The following PABPC1L2B variants were observed in gnomAD, a reference collection of about 807,000 sequenced individuals.
PABPC1L2B encodes the protein poly(A) binding protein cytoplasmic 1 like 2B.
For missense variants in PABPC1L2B, 5 were observed against 16.4 expected (o/e 0.30, Z 1.20); for synonymous variants, 7 against 7.1 (o/e 0.99, Z 0.02).
Position 73,003,521 on chromosome X carries a change from A to G in PABPC1L2B, c.-122A>G, listed in dbSNP as rs1424379672. On this transcript the variant is annotated 5_prime_UTR_variant, in exon 1 of 1. An upstream start codon of the reference 5' UTR is lost. Transcript: ENST00000373521. ...GAGGCGGAGGCGGATGCGGATGCGG[A>G]TGCGGATGCGAATGCGAAGGTGGCG... The G allele has an allele frequency of 7.8e-5, 61 of 783,831 alleles. No individual in the cohort carries two copies. The highest frequency in any genetic ancestry group is 9.1e-5 in the Non-Finnish European group (57 of 628,497). The allele number at this position is 783,831 out of a possible 1,213,427, so 64.6% of individuals were successfully genotyped here. A position where few individuals can be genotyped will look rare whatever the true frequency, so the allele number is the denominator to read the frequency against.
At position 73,005,374 on chromosome X, in the gene PABPC1L2B, A is replaced by C. The variant is rs1294625602; in HGVS notation, c.*1129A>C. The C allele has an allele frequency of 1.4e-4, 17 of 122,468 alleles. No homozygotes were observed. Among genetic ancestry groups the C allele is most frequent in the African/African-American group, 5.3e-4 (16 of 30,469 alleles). 10.1% of individuals were successfully genotyped at this position (122,468 alleles called of 1,213,427 possible). A position where few individuals can be genotyped will look rare whatever the true frequency, so the allele number is the denominator to read the frequency against. ...TCCCTGTCCTCAGTGGTTTTGCTGC[A>C]ATCAAACACTGTTTATTACCCCCTT... is the stretch of plus-strand genomic sequence containing the variant. On this transcript the variant is annotated 3_prime_UTR_variant, in exon 1 of 1. Coordinates refer to ENST00000373521, the MANE Select transcript of PABPC1L2B (RefSeq NM_001042506.2).
Position 73,003,541 on chromosome X carries a change from G to T in PABPC1L2B, c.-102G>T. On this transcript the variant is annotated 5_prime_UTR_variant, in exon 1 of 1. Coordinates refer to ENST00000373521, the MANE Select transcript of PABPC1L2B (RefSeq NM_001042506.2). The stretch of plus-strand genomic sequence containing the variant: ...TGCGGATGCGGATGCGAATGCGAAG[G>T]TGGCGGCCGAGGTGGCGGCCGAGGT... 1 of 734,883 alleles carries T rather than the reference G, an allele frequency of 1.4e-6. No individual in the cohort carries two copies. 60.6% of individuals were successfully genotyped at this position (734,883 alleles called of 1,213,427 possible).
Position 73,003,601 on chromosome X carries a change from G to A in PABPC1L2B, c.-42G>A. 3.2e-6 allele frequency: 1 copy of A among 309,353 alleles called. No individual in the cohort carries two copies. Among genetic ancestry groups the A allele is most frequent in the Non-Finnish European group, 4.7e-6 (1 of 212,696 alleles). The allele number at this position is 309,353 out of a possible 1,213,427, so 25.5% of individuals were successfully genotyped here. A position where few individuals can be genotyped will look rare whatever the true frequency, so the allele number is the denominator to read the frequency against. Reference sequence around the variant, plus strand: ...GGCGGCCGCCGCGGATGCAGATGCGGATGAGACCCTCGGTGACTGTGAGGG... The same window carrying A: ...GGCGGCCGCCGCGGATGCAGATGCGAATGAGACCCTCGGTGACTGTGAGGG... On this transcript the variant is annotated 5_prime_UTR_variant, in exon 1 of 1. Coordinates refer to ENST00000373521, the MANE Select transcript of PABPC1L2B (RefSeq NM_001042506.2).
At position 73,003,233 on chromosome X, in the gene PABPC1L2B, C is replaced by T. The variant is rs1284567549; in HGVS notation, c.-410C>T. On this transcript the variant is annotated 5_prime_UTR_variant, in exon 1 of 1. Transcript: ENST00000373521. ...ACCGTGGCGACAGCAGCGACAGTGG[C>T]GGCGGCGGTGGCGGCAGCGGCTGCG... Among the ~76,000 whole-genome samples the T allele has an allele frequency of 4.5e-4, 3 of 6,711 alleles. No homozygotes were observed. The highest frequency in any genetic ancestry group is 6.1e-4 in the Non-Finnish European group (3 of 4,954). 5.8% of individuals were successfully genotyped at this position (6,711 alleles called of 115,157 possible).
At position 73,005,923 on chromosome X, in the gene PABPC1L2B, GT is replaced by G. The variant is rs1192915230; in HGVS notation, c.*1680del. ...ATTCATGTTTATTTCCTGAACAAAA[GT>G]TAATAGTATAATTGAAGGATGAAAA... is the stretch of plus-strand genomic sequence containing the variant. On this transcript the variant is annotated 3_prime_UTR_variant, in exon 1 of 1. Coordinates refer to ENST00000373521, the MANE Select transcript of PABPC1L2B (RefSeq NM_001042506.2). Among the ~76,000 whole-genome samples, 1 of 111,778 alleles carries G rather than the reference GT, an allele frequency of 8.9e-6. No homozygotes were observed. The highest frequency in any genetic ancestry group is 9.6e-5 in the Admixed American group (1 of 10,458).
In PABPC1L2B at chrX:73,006,105, G is replaced by C. The variant is rs782197976; in HGVS notation, c.*1860G>C. 6.3e-5 allele frequency among the ~76,000 whole-genome samples: 7 copies of C among 111,614 alleles called. No individual in the cohort carries two copies. In the South Asian group the frequency reaches 2.6e-3, roughly 42 times the overall value. On this transcript the variant is annotated 3_prime_UTR_variant, in exon 1 of 1. Coordinates refer to ENST00000373521, the MANE Select transcript of PABPC1L2B (RefSeq NM_001042506.2). ...CTTGGTATTAAATTATTTATAATTT[G>C]AGATTTTTTGTTTCTATTTGTTGTA...
rs2055186199 is a variant in PABPC1L2B at position 73,005,904 on chromosome X, G to T, written c.*1659G>T. On this transcript the variant is annotated 3_prime_UTR_variant, in exon 1 of 1. Transcript: ENST00000373521. Reference sequence around the variant, plus strand: ...CACAGTGCACAAACATTACATTCATGTTTATTTCCTGAACAAAAGTTAATA... The same window carrying T: ...CACAGTGCACAAACATTACATTCATTTTTATTTCCTGAACAAAAGTTAATA... Among the ~76,000 whole-genome samples the T allele has an allele frequency of 8.9e-6, 1 of 111,863 alleles. No individual in the cohort carries two copies. Among genetic ancestry groups the T allele is most frequent in the African/African-American group, 3.2e-5 (1 of 30,809 alleles).
At position 73,005,950 on chromosome X, in the gene PABPC1L2B, G is replaced by C. The variant is rs910097444; in HGVS notation, c.*1705G>C. Among the ~76,000 whole-genome samples the C allele has an allele frequency of 4.5e-5, 5 of 111,684 alleles. No individual in the cohort carries two copies. The highest frequency in any genetic ancestry group is 7.5e-5 in the Non-Finnish European group (4 of 53,138). ...TAATAGTATAATTGAAGGATGAAAA[G>C]ATATGGGAGGTTTAAAATCTTCTTT... On this transcript the variant is annotated 3_prime_UTR_variant, in exon 1 of 1. Transcript: ENST00000373521.
rs139776847 is a variant in PABPC1L2B at position 73,005,391 on chromosome X, T to A, written c.*1146T>A. The A allele has an allele frequency of 8.2e-6, 1 of 122,656 alleles. No homozygotes were observed. Among genetic ancestry groups the A allele is most frequent in the African/African-American group, 3.3e-5 (1 of 30,557 alleles). 10.1% of individuals were successfully genotyped at this position (122,656 alleles called of 1,213,427 possible). ...TTTGCTGCAATCAAACACTGTTTAT[T>A]ACCCCCTTCCCCTGTGCCCACTTCC... On this transcript the variant is annotated 3_prime_UTR_variant, in exon 1 of 1. Coordinates refer to ENST00000373521, the MANE Select transcript of PABPC1L2B (RefSeq NM_001042506.2).
rs1301634862 is a variant in PABPC1L2B, at chrX:73,003,389, C to T, written c.-254C>T. 1 of 19,085 alleles carries T rather than the reference C, an allele frequency of 5.2e-5. No homozygotes were observed. The highest frequency in any genetic ancestry group is 6.8e-5 in the Non-Finnish European group (1 of 14,783). 1.6% of individuals were successfully genotyped at this position (19,085 alleles called of 1,213,427 possible). A position where few individuals can be genotyped will look rare whatever the true frequency, so the allele number is the denominator to read the frequency against. Reference sequence around the variant, plus strand: ...ATAGAGGAGGCAGCATCGGAGGCCACCCCGGGGGAGGCGGAGGCCGCCCGG... The same window carrying T: ...ATAGAGGAGGCAGCATCGGAGGCCATCCCGGGGGAGGCGGAGGCCGCCCGG... On this transcript the variant is annotated 5_prime_UTR_variant, in exon 1 of 1. Transcript: ENST00000373521.
chrX:73,003,715 GCTGGGCCC>G lies in PABPC1L2B; in HGVS notation c.74_81del (p.Ala25AspfsTer39). 1 of 246,697 alleles carries G rather than the reference GCTGGGCCC, an allele frequency of 4.1e-6. No homozygotes were observed. Among genetic ancestry groups the G allele is most frequent in the Non-Finnish European group, 5.9e-6 (1 of 170,066 alleles). The allele number at this position is 246,697 out of a possible 1,213,427, so 20.3% of individuals were successfully genotyped here. On this transcript the variant is annotated frameshift_variant, in exon 1 of 1. Coordinates refer to ENST00000373521, the MANE Select transcript of PABPC1L2B (RefSeq NM_001042506.2). LOFTEE classifies it high-confidence loss of function. ...AATGCTGTACGAGAAGTTCAGTCCA[GCTGGGCCC>G]ATCCTCTCCATCCGCATCTGCAGGG...
Position 73,005,449 on chromosome X carries a change from A to G in PABPC1L2B, c.*1204A>G, listed in dbSNP as rs1271412703. Reference sequence around the variant, plus strand: ...TTCCCTGTTGTCAGAAAAATAATTCAGCGTCATTGCAGGAAAAAAATAATC... The same window carrying G: ...TTCCCTGTTGTCAGAAAAATAATTCGGCGTCATTGCAGGAAAAAAATAATC... On this transcript the variant is annotated 3_prime_UTR_variant, in exon 1 of 1. Coordinates refer to ENST00000373521, the MANE Select transcript of PABPC1L2B (RefSeq NM_001042506.2). 4.9e-5 allele frequency: 6 copies of G among 122,808 alleles called. No homozygotes were observed. The highest frequency in any genetic ancestry group is 9.8e-5 in the African/African-American group (3 of 30,589). 10.1% of individuals were successfully genotyped at this position (122,808 alleles called of 1,213,427 possible). A position where few individuals can be genotyped will look rare whatever the true frequency, so the allele number is the denominator to read the frequency against.
rs1184711937 is a variant in PABPC1L2B at position 73,004,552 on chromosome X, C to G, written c.*307C>G. The G allele has an allele frequency of 2.3e-6, 1 of 441,915 alleles. No homozygotes were observed. 36.4% of individuals were successfully genotyped at this position (441,915 alleles called of 1,213,427 possible). ...TCTCCCTGTGGTTTGGTTTAAAAAG[C>G]ATTTTCATTCTCTCTTTGTTTACTG... is the stretch of plus-strand genomic sequence containing the variant. On this transcript the variant is annotated 3_prime_UTR_variant, in exon 1 of 1. Coordinates refer to ENST00000373521, the MANE Select transcript of PABPC1L2B (RefSeq NM_001042506.2).
In PABPC1L2B at chrX:73,003,487, C is replaced by G; in HGVS notation, c.-156C>G. 1.5e-6 allele frequency: 1 copy of G among 662,789 alleles called. No homozygotes were observed. Among genetic ancestry groups the G allele is most frequent in the Non-Finnish European group, 1.9e-6 (1 of 521,634 alleles). The allele number at this position is 662,789 out of a possible 1,213,427, so 54.6% of individuals were successfully genotyped here. A position where few individuals can be genotyped will look rare whatever the true frequency, so the allele number is the denominator to read the frequency against. ...CGCCGCAGCGGAGGCTGCGGGGCCC[C>G]CCTTGGGGGAGGCGGAGGCGGATGC... On this transcript the variant is annotated 5_prime_UTR_variant, in exon 1 of 1. Transcript: ENST00000373521.
Position 73,004,987 on chromosome X carries a change from C to A in PABPC1L2B, c.*742C>A, listed in dbSNP as rs782143498. 1 of 62,452 alleles carries A rather than the reference C, an allele frequency of 1.6e-5. No homozygotes were observed. The highest frequency in any genetic ancestry group is 6.9e-5 in the African/African-American group (1 of 14,429). The allele number at this position is 62,452 out of a possible 1,213,427, so 5.1% of individuals were successfully genotyped here. A position where few individuals can be genotyped will look rare whatever the true frequency, so the allele number is the denominator to read the frequency against. Reference sequence around the variant, plus strand: ...GCATTGTTGGACATTCAGGTGGTGCCTAGTTCTTTCCCTGTGTTTAAGACC... The same window carrying A: ...GCATTGTTGGACATTCAGGTGGTGCATAGTTCTTTCCCTGTGTTTAAGACC... On this transcript the variant is annotated 3_prime_UTR_variant, in exon 1 of 1. Coordinates refer to ENST00000373521, the MANE Select transcript of PABPC1L2B (RefSeq NM_001042506.2).
rs1433467117 is a variant in PABPC1L2B, at chrX:73,003,561, C to T, written c.-82C>T. ...CGAAGGTGGCGGCCGAGGTGGCGGCCGAGGTGGCGGCTGCGGCGGCCGCCG... is the reference window on the plus strand; with the variant it reads ...CGAAGGTGGCGGCCGAGGTGGCGGCTGAGGTGGCGGCTGCGGCGGCCGCCG... On this transcript the variant is annotated 5_prime_UTR_variant, in exon 1 of 1. Transcript: ENST00000373521. 7.6e-4 allele frequency: 250 copies of T among 330,066 alleles called. 1 individual carries two copies. Among genetic ancestry groups the T allele is most frequent in the Non-Finnish European group, 1.0e-3 (227 of 221,405 alleles). 27.2% of individuals were successfully genotyped at this position (330,066 alleles called of 1,213,427 possible).
At position 73,006,033 on chromosome X, in the gene PABPC1L2B, T is replaced by C. The variant is rs782417101; in HGVS notation, c.*1788T>C. ...ATAGTACCAATTTACCCTCATAAAA[T>C]ATGCAGATATTGTGAGTGTACCTGG... is the stretch of plus-strand genomic sequence containing the variant. On this transcript the variant is annotated 3_prime_UTR_variant, in exon 1 of 1. Coordinates refer to ENST00000373521, the MANE Select transcript of PABPC1L2B (RefSeq NM_001042506.2). Among the ~76,000 whole-genome samples, 1 of 111,947 alleles carries C rather than the reference T, an allele frequency of 8.9e-6. No homozygotes were observed. Among genetic ancestry groups the C allele is most frequent in the East Asian group, 2.8e-4 (1 of 3,589 alleles).
rs1471502979 is a variant in PABPC1L2B at position 73,005,157 on chromosome X, G to A, written c.*912G>A. On this transcript the variant is annotated 3_prime_UTR_variant, in exon 1 of 1. Coordinates refer to ENST00000373521, the MANE Select transcript of PABPC1L2B (RefSeq NM_001042506.2). ...GACTTTTCCTGTGTGTTGCCAAAAG[G>A]CCCCCTTCATAAGCATTGTACCGAT... is the stretch of plus-strand genomic sequence containing the variant. The A allele has an allele frequency of 8.9e-6, 1 of 111,734 alleles. No homozygotes were observed. Among genetic ancestry groups the A allele is most frequent in the Non-Finnish European group, 2.0e-5 (1 of 49,939 alleles). The allele number at this position is 111,734 out of a possible 1,213,427, so 9.2% of individuals were successfully genotyped here.
At position 73,003,746 on chromosome X, in the gene PABPC1L2B, G is replaced by A; in HGVS notation, c.104G>A (p.Arg35Lys). Reference sequence around the variant, plus strand: ...CCCATCCTCTCCATCCGCATCTGCAGGGACAAGATCACCCGCCGCTCATTG... The same window carrying A: ...CCCATCCTCTCCATCCGCATCTGCAAGGACAAGATCACCCGCCGCTCATTG... ...AGPILSIRIC[R>K]DKITRRSLGY... The change falls in exon 1 of 1, where the codon AGG (arginine) becomes AAG (lysine). Residue 35 changes from arginine to lysine, a missense_variant. Arg to Lys is a conservative substitution (Grantham distance 26). Coordinates refer to ENST00000373521, the MANE Select transcript of PABPC1L2B (RefSeq NM_001042506.2). 3.9e-6 allele frequency: 1 copy of A among 255,134 alleles called. No homozygotes were observed. Among genetic ancestry groups the A allele is most frequent in the Non-Finnish European group, 5.7e-6 (1 of 174,478 alleles). The allele number at this position is 255,134 out of a possible 1,213,427, so 21.0% of individuals were successfully genotyped here. A position where few individuals can be genotyped will look rare whatever the true frequency, so the allele number is the denominator to read the frequency against.
Sources: allele counts gnomAD v4.1 joint callset (sites outside exome capture counted in the v4.1 genomes callset), GRCh38; gene constraint gnomAD v4.1.1; transcripts MANE v1.5; gene names NCBI Gene and HGNC (gene_info 2026-07-23, HGNC 2026-07-21).